The following SLC1A1 variants were observed in gnomAD, a reference collection of about 807,000 sequenced individuals.
The protein encoded by SLC1A1 is excitatory amino acid transporter 3.
A neutral mutation model predicts 53.3 loss-of-function variants in SLC1A1; 43 were observed. The ratio of observed to expected loss-of-function variants is 0.81; its 90% CI spans 0.63 to 1.04. The LOEUF (loss-of-function observed/expected upper bound fraction) is 1.04. Ranked by LOEUF, SLC1A1 falls within the 50% of genes least tolerant of loss-of-function variation. The pLI, the probability that SLC1A1 is intolerant of heterozygous loss-of-function variation, is 0.00. For synonymous variants in SLC1A1, 307 were observed against 243.2 expected (o/e 1.26, Z -2.44); for missense variants, 748 against 664.9 (o/e 1.12, Z -1.37).
rs373604899 is a variant in SLC1A1 at position 4,583,853 on chromosome 9, T to TTCTCTCTCTCTCTCTCTCTC, written c.1328+692_1328+711dup. ...CCATTCAGGCCCCAATCAACAACAC[T>TTCTCTCTCTCTCTCTCTCTC]TCTCTCTCTCTCTCTCTCTCTCTCT... On this transcript the variant is annotated intron_variant, in intron 11 of 11. Transcript: ENST00000262352. This position sits in a 1 kb window ranked among gnomAD's most constrained non-coding sequence, Gnocchi z 4.6. Among the ~76,000 whole-genome samples the TTCTCTCTCTCTCTCTCTCTC allele has an allele frequency of 1.7e-3, 239 of 136,978 alleles. 5 individuals are homozygous for TTCTCTCTCTCTCTCTCTCTC. Among genetic ancestry groups the TTCTCTCTCTCTCTCTCTCTC allele is most frequent in the Admixed American group, 3.8e-3 (50 of 13,260 alleles). The allele number at this position is 136,978 out of a possible 152,430, so 89.9% of individuals were successfully genotyped here.
chr9:4,578,726 T>A (rs1820791783), intron 10 of SLC1A1, among the ~76,000 whole-genome samples: 1 of 152,248 alleles, frequency 6.6e-6, no homozygotes, highest in African/African-American at 2.4e-5. Context: ...GATTTGTTTC[T>A]CTAGGACAGC....
chr9:4,499,435 A>T (rs938498516), intron 1 of SLC1A1, among the ~76,000 whole-genome samples: 4 of 152,206 alleles, frequency 2.6e-5, no homozygotes, highest in African/African-American at 7.2e-5. Flanking sequence ...TACATATTAA[A>T]GAATTAGGAA....
intron 10 of SLC1A1, among the ~76,000 whole-genome samples, chr9:4,580,651 G>GTATGTGTGTGTA (rs1554690422): frequency 2.5e-5 from 3 of 118,844 alleles, no homozygotes; most frequent in Non-Finnish European, 4.9e-5. Flanking sequence ...GTGTGTGTGT[G>GTATGTGTGTGTA]TATAAGGAAT....
intron 1 of SLC1A1, among the ~76,000 whole-genome samples, chr9:4,492,082 G>A (rs1820255378): frequency 6.6e-6 from 1 of 152,134 alleles, no homozygotes; most frequent in African/African-American, 2.4e-5. Flanking sequence ...ATTTGTAGGA[G>A]GAAAGGAGAG....
chr9:4,545,488 C>T (rs1307836330), intron 2 of SLC1A1, among the ~76,000 whole-genome samples: 1 of 152,190 alleles, frequency 6.6e-6, no homozygotes, highest in Non-Finnish European at 1.5e-5. Context: ...CAATTTTGAT[C>T]ATGTTTTCAG....
At chr9:4,572,105 T>A (rs1820112428) in intron 6 of SLC1A1, 99 bp from the exon 7 acceptor site, 4 of 1,017,576 alleles carry the variant, frequency 3.9e-6, no homozygotes. Context: ...GATCACCAGT[T>A]TATTATGTTT....
intron 2 of SLC1A1, among the ~76,000 whole-genome samples, chr9:4,552,319 G>T (rs906897343): frequency 7.2e-5 from 11 of 152,198 alleles, no homozygotes; most frequent in Non-Finnish European, 1.2e-4. Context: ...TGGGAATGAG[G>T]TCAGTGCAGG....
At chr9:4,504,049 G>A (rs991345360) in intron 1 of SLC1A1, among the ~76,000 whole-genome samples, 1 of 152,202 alleles carries the variant, frequency 6.6e-6, no homozygotes, top group African/African-American at 2.4e-5. Flanking sequence ...CCATTTTATT[G>A]TGAGCACTGC....
chr9:4,576,585 G>C lies in SLC1A1; in HGVS notation c.1015G>C (p.Val339Leu), dbSNP rs567586426. The C allele has an allele frequency of 1.2e-5, 19 of 1,614,108 alleles. No individual in the cohort carries two copies. The African/African-American group carries it at 2.1e-4, about 18-fold the overall frequency. ...ATCACACAGTTCAGCAACACTGCCT[G>C]TCACCTTCCGCTGTGCTGAAGAAAA... ...MISSSSATLP[V>L]TFRCAEENNQ... The change falls in exon 10 of 12, where the codon GTC becomes CTC. Residue 339 changes from valine to leucine, a missense_variant. Transcript: ENST00000262352.
chr9:4,564,513 C>G, intron 4 of SLC1A1, 55 bp downstream of exon 4: 1 of 974,282 alleles, frequency 1.0e-6, no homozygotes. Context: ...AGCACAAGGC[C>G]TTGTATGTGG....
intron 1 of SLC1A1, among the ~76,000 whole-genome samples, chr9:4,503,909 T>G (rs1318346363): frequency 6.7e-6 from 1 of 148,198 alleles, no homozygotes; most frequent in Non-Finnish European, 1.5e-5. Flanking sequence ...AGAAGCCCAC[T>G]CAGTTGTATG....
At chr9:4,505,841 T>C (rs907755285) in intron 1 of SLC1A1, among the ~76,000 whole-genome samples, 1 of 152,080 alleles carries the variant, frequency 6.6e-6, no homozygotes, top group Non-Finnish European at 1.5e-5. Context: ...ACTTTTAGTT[T>C]TTGGGATGGA....
At chr9:4,585,248 C>A in intron 11 of SLC1A1, 64 bp from the exon 12 acceptor site, 1 of 1,598,556 alleles carries the variant, frequency 6.3e-7, no homozygotes, top group Non-Finnish European at 8.6e-7. Context: ...GTCCTTGCAT[C>A]TCTCCAGTGA....
intron 1 of SLC1A1, among the ~76,000 whole-genome samples, chr9:4,523,260 C>T (rs576442814): frequency 6.6e-6 from 1 of 152,230 alleles, no homozygotes; most frequent in Non-Finnish European, 1.5e-5. Flanking sequence ...CTGGACCTAA[C>T]ACAGGTCCTT....
intron 1 of SLC1A1, among the ~76,000 whole-genome samples, chr9:4,523,762 G>T (rs1397398522): frequency 1.3e-5 from 2 of 152,198 alleles, no homozygotes; most frequent in Non-Finnish European, 2.9e-5. Context: ...TTTATTCTAA[G>T]TACTTTACAT....
intron 1 of SLC1A1, among the ~76,000 whole-genome samples, chr9:4,532,063 C>T (rs1816491947): frequency 6.6e-6 from 1 of 152,080 alleles, no homozygotes; most frequent in Non-Finnish European, 1.5e-5. Context: ...TGTACATCAC[C>T]ATCATCAAAG....
In SLC1A1 at chr9:4,572,193, T is replaced by G. The variant is rs370778464; in HGVS notation, c.583-11T>G. ...CGTGCATCAATATGTTTTCTTGGTTTTGATCCACAGAACAAAACAAAGGAA... is the reference window on the plus strand; with the variant it reads ...CGTGCATCAATATGTTTTCTTGGTTGTGATCCACAGAACAAAACAAAGGAA... On this transcript the variant is annotated splice_polypyrimidine_tract_variant and intron_variant, in intron 6 of 11. Transcript: ENST00000262352. 3.1e-5 allele frequency: 50 copies of G among 1,610,670 alleles called. No homozygotes were observed. Among genetic ancestry groups the G allele is most frequent in the Middle Eastern group, 1.6e-4 (1 of 6,072 alleles).
At chr9:4,523,833 G>A (rs1216739237) in intron 1 of SLC1A1, among the ~76,000 whole-genome samples, 1 of 152,144 alleles carries the variant, frequency 6.6e-6, no homozygotes, top group Middle Eastern at 3.2e-3. Context: ...TCTTCCCATT[G>A]TTATAGGTGA....
At chr9:4,499,768 C>T (rs1479520496) in intron 1 of SLC1A1, among the ~76,000 whole-genome samples, 1 of 152,194 alleles carries the variant, frequency 6.6e-6, no homozygotes, top group Admixed American at 6.5e-5. Flanking sequence ...ATTTAAGATA[C>T]GGTGTTTTAT....
Sources: allele counts gnomAD v4.1 joint callset (sites outside exome capture counted in the v4.1 genomes callset), GRCh38; gene constraint gnomAD v4.1.1; non-coding constraint Gnocchi (gnomAD v3.1); transcripts MANE v1.5; gene names NCBI Gene and HGNC (gene_info 2026-07-23, HGNC 2026-07-21).